Variants in SYCP1 observed in about 807,000 individuals in gnomAD.
The protein encoded by SYCP1 is cancer/testis antigen 8.
SYCP1 carries 64 observed loss-of-function variants against 153.1 expected under a neutral mutation model. That is an observed-to-expected ratio of 0.42 (90% CI 0.34 to 0.51). The LOEUF is 0.51. Among genes scored for constraint, SYCP1 ranks in the 20% least tolerant of loss-of-function variants. The pLI, the probability that SYCP1 is intolerant of heterozygous loss-of-function variation, is 0.06. For synonymous variants in SYCP1, 384 were observed against 341.8 expected (o/e 1.12, Z -1.36); for missense variants, 997 against 1,049.0 (o/e 0.95, Z 0.68).
Position 114,994,749 on chromosome 1 carries a change from C to G in SYCP1, c.2755C>G (p.Pro919Ala). 1.3e-6 allele frequency: 2 copies of G among 1,592,306 alleles called. No homozygotes were observed. The highest frequency in any genetic ancestry group is 1.7e-6 in the Non-Finnish European group (2 of 1,172,992). Reference protein sequence around the residue: ...TLKTLYRNNNPPASHLCVKTP... With the variant: ...TLKTLYRNNNAPASHLCVKTP... ...GAAAACACTGTATAGGAACAATAAT[C>G]CACCAGCTTCTCATCTTTGTGTCAA... Residue 919 changes from proline to alanine, a missense_variant, in exon 31 of 32, where the codon CCA becomes GCA. Pro to Ala is a conservative substitution (Grantham distance 27). Transcript: ENST00000369522.
chr1:114,992,776 A>G (rs1445064325), intron 30 of SYCP1, among the ~76,000 whole-genome samples: 1 of 151,646 alleles, frequency 6.6e-6, no homozygotes, highest in Non-Finnish European at 1.5e-5. Flanking sequence ...AGAAAAAAAG[A>G]TAAATTGGAC....
At chr1:114,930,454 C>A (rs983179537) in intron 23 of SYCP1, among the ~76,000 whole-genome samples, 56 of 151,514 alleles carry the variant, frequency 3.7e-4, no homozygotes, top group Non-Finnish European at 2.1e-4. Flanking sequence ...AAATTCACTG[C>A]AGGCAAGAAT....
At position 114,910,428 on chromosome 1, in the gene SYCP1, A is replaced by G; in HGVS notation, c.1352A>G (p.Lys451Arg). The change falls in exon 17 of 32, where the codon AAA becomes AGA. Residue 451 changes from lysine (K) to arginine (R), a missense_variant. Lys to Arg is a conservative substitution (Grantham distance 26). This residue lies in a region of SYCP1 where 712 missense variants were observed against 682.9 expected (regional missense o/e 1.04). Coordinates refer to ENST00000369522, the MANE Select transcript of SYCP1 (RefSeq NM_003176.4). Reference sequence around the variant, plus strand: ...AAGGAAACACTTTTATATGAAAATAAACAATTTGAGAAGATTGCTGAAGAA... The same window carrying G: ...AAGGAAACACTTTTATATGAAAATAGACAATTTGAGAAGATTGCTGAAGAA... ...GEKETLLYENKQFEKIAEELK... is the reference protein window; with the variant it reads ...GEKETLLYENRQFEKIAEELK... 1 of 1,604,444 alleles carries G rather than the reference A, an allele frequency of 6.2e-7. No homozygotes were observed. The highest frequency in any genetic ancestry group is 8.5e-7 in the Non-Finnish European group (1 of 1,175,778).
intron 8 of SYCP1, among the ~76,000 whole-genome samples, chr1:114,864,124 G>C (rs996273900): frequency 1.5e-4 from 22 of 144,314 alleles, no homozygotes; most frequent in African/African-American, 5.6e-4. Flanking sequence ...ATGTATCCCA[G>C]AACTTAAAAA....
intron 23 of SYCP1, among the ~76,000 whole-genome samples, chr1:114,932,124 A>G (rs1176504350): frequency 6.6e-6 from 1 of 152,200 alleles, no homozygotes; most frequent in South Asian, 2.1e-4. Flanking sequence ...AAAACGTAGG[A>G]GGGTACTTTC....
intron 9 of SYCP1, among the ~76,000 whole-genome samples, chr1:114,875,256 GTCT>G (rs1665431151): frequency 7.0e-6 from 1 of 142,048 alleles, no homozygotes; most frequent in African/African-American, 2.6e-5. Flanking sequence ...TAGAGACTTT[GTCT>G]TCTTTTTTTT....
intron 28 of SYCP1, among the ~76,000 whole-genome samples, chr1:114,979,722 T>G (rs1673031801): frequency 6.6e-6 from 1 of 151,818 alleles, no homozygotes; most frequent in African/African-American, 2.4e-5. Flanking sequence ...AAAAGGATTA[T>G]GAAATGACAG....
At chr1:114,930,174 G>A (rs1350605074) in intron 23 of SYCP1, among the ~76,000 whole-genome samples, 3 of 151,944 alleles carry the variant, frequency 2.0e-5, no homozygotes, top group African/African-American at 7.2e-5. Flanking sequence ...ATAAAAATTT[G>A]TAAGGTACAA....
At chr1:114,908,057 A>G (rs930785479) in intron 16 of SYCP1, among the ~76,000 whole-genome samples, 1 of 151,996 alleles carries the variant, frequency 6.6e-6, no homozygotes, top group East Asian at 1.9e-4. Context: ...TTTACCTCTA[A>G]TATTGTTCTC....
intron 27 of SYCP1, among the ~76,000 whole-genome samples, chr1:114,968,118 C>G (rs911437013): frequency 6.6e-6 from 1 of 152,094 alleles, no homozygotes; most frequent in East Asian, 1.9e-4. Flanking sequence ...AGATTTTTTC[C>G]TTCATTTCAA....
At chr1:114,960,174 T>G (rs1328731823) in intron 27 of SYCP1, among the ~76,000 whole-genome samples, 2 of 144,876 alleles carry the variant, frequency 1.4e-5, no homozygotes, top group Admixed American at 1.4e-4. Context: ...TTTTTTTTTT[T>G]TTTTTTTTTT....
At chr1:114,907,466 A>G (rs983523918) in intron 16 of SYCP1, among the ~76,000 whole-genome samples, 3 of 151,356 alleles carry the variant, frequency 2.0e-5, no homozygotes, top group African/African-American at 7.3e-5. Flanking sequence ...ATCTACTGGT[A>G]TTTTATCTAT....
At chr1:114,977,052 A>G (rs940083712) in intron 27 of SYCP1, among the ~76,000 whole-genome samples, 4 of 151,754 alleles carry the variant, frequency 2.6e-5, no homozygotes, top group Admixed American at 2.6e-4. Flanking sequence ...ATCTAATGAT[A>G]TTAGCATATC....
intron 8 of SYCP1, among the ~76,000 whole-genome samples, chr1:114,861,406 C>T (rs1222384776): frequency 6.6e-6 from 1 of 151,778 alleles, no homozygotes; most frequent in Admixed American, 6.6e-5. Context: ...TTTATTTTTG[C>T]CATAATTTGA....
intron 31 of SYCP1, 41 bp from the exon 32 acceptor site, chr1:114,994,841 A>T: frequency 6.3e-7 from 1 of 1,575,314 alleles, no homozygotes; most frequent in Non-Finnish European, 8.6e-7. Flanking sequence ...CACTTAAAAA[A>T]TTAAACATGT....
At chr1:114,990,200 A>T (rs1456622212) in intron 30 of SYCP1, among the ~76,000 whole-genome samples, 1 of 151,962 alleles carries the variant, frequency 6.6e-6, no homozygotes, top group East Asian at 1.9e-4. Context: ...AAACTGGAAT[A>T]TTTACAAATT....
intron 27 of SYCP1, among the ~76,000 whole-genome samples, chr1:114,952,870 C>A (rs1218765630): frequency 6.6e-6 from 1 of 151,914 alleles, no homozygotes; most frequent in Non-Finnish European, 1.5e-5. Flanking sequence ...AGGACTTATT[C>A]CATTTGTGTT....
chr1:114,892,312 G>A (rs1477669191), intron 15 of SYCP1, among the ~76,000 whole-genome samples: 1 of 152,156 alleles, frequency 6.6e-6, no homozygotes, highest in Non-Finnish European at 1.5e-5. Context: ...AGCTGGGAGA[G>A]CCTGCCCTTA....
chr1:114,966,305 C>T (rs1006277014), intron 27 of SYCP1, among the ~76,000 whole-genome samples: 6 of 151,892 alleles, frequency 4.0e-5, no homozygotes, highest in South Asian at 2.1e-4. Context: ...CTCCTAGATT[C>T]GTTGATTTTT....
Sources: gnomAD v4.1 joint callset for allele counts (sites outside exome capture counted in the v4.1 genomes callset) on GRCh38, gnomAD v4.1.1 for gene constraint, gnomAD v4.1.1 regional missense constraint, MANE v1.5 for transcripts, NCBI Gene and HGNC (gene_info 2026-07-23, HGNC 2026-07-21) for gene names.